Variants in TESMIN observed in about 807,000 individuals in gnomAD.
TESMIN encodes testis expressed metallothionein like protein.
Under a neutral mutation model 47.4 loss-of-function variants are expected in TESMIN, and 34 were observed. The ratio of observed to expected loss-of-function variants is 0.72; its 90% CI spans 0.55 to 0.96. The LOEUF is 0.96. TESMIN is among the 40% of genes least tolerant of loss of function. The probability of loss-of-function intolerance (pLI) is 0.00; values close to 1 mark genes in which losing one functional copy is unlikely to be tolerated. For missense variants in TESMIN, 610 were observed against 637.2 expected (o/e 0.96, Z 0.46); for synonymous variants, 278 against 258.9 (o/e 1.07, Z -0.71).
In TESMIN at chr11:68,742,303, A is replaced by C. The variant is rs1230470098; in HGVS notation, c.828+15T>G. The C allele has an allele frequency of 6.6e-7, 1 of 1,515,156 alleles. No individual in the cohort carries two copies. The highest frequency in any genetic ancestry group is 1.2e-5 in the South Asian group (1 of 83,318). 93.9% of individuals were successfully genotyped at this position (1,515,156 alleles called of 1,614,324 possible). ...AATGCAAAATTGTATTTTTTAAATT[A>C]AAACAATGACTCACTTGTTGTGTAA... On this transcript the variant is annotated intron_variant, in intron 5 of 9. Transcript: ENST00000255087.
chr11:68,730,050 C>T (rs902647837), intron 6 of TESMIN, among the ~76,000 whole-genome samples: 3 of 152,154 alleles, frequency 2.0e-5, no homozygotes, highest in Non-Finnish European at 4.4e-5. Flanking sequence ...AAGGCAAGAC[C>T]CTCCCTCCAC....
intron 6 of TESMIN, among the ~76,000 whole-genome samples, chr11:68,717,550 G>A (rs1946154686): frequency 6.6e-6 from 1 of 152,244 alleles, no homozygotes; most frequent in African/African-American, 2.4e-5. Flanking sequence ...AGGGAAAGGG[G>A]ACAGTGACAG....
Position 68,707,798 on chromosome 11 carries a change from A to G in TESMIN, c.*510T>C, listed in dbSNP as rs1483953696. Reference sequence around the variant, plus strand: ...CGCTACAGAAAATCTTTAGGTGTTCAGTAGTTCTCTAGAGATTTTAAGTGG... The same window carrying G: ...CGCTACAGAAAATCTTTAGGTGTTCGGTAGTTCTCTAGAGATTTTAAGTGG... On this transcript the variant is annotated 3_prime_UTR_variant, in exon 10 of 10. Coordinates refer to ENST00000255087, the MANE Select transcript of TESMIN (RefSeq NM_004923.3). 2.2e-6 allele frequency: 1 copy of G among 455,842 alleles called. No homozygotes were observed. Among genetic ancestry groups the G allele is most frequent in the East Asian group, 6.9e-5 (1 of 14,406 alleles). 28.2% of individuals were successfully genotyped at this position (455,842 alleles called of 1,614,324 possible). A position where few individuals can be genotyped will look rare whatever the true frequency, so the allele number is the denominator to read the frequency against.
At chr11:68,727,463 A>G (rs1946278647) in intron 6 of TESMIN, among the ~76,000 whole-genome samples, 1 of 151,210 alleles carries the variant, frequency 6.6e-6, no homozygotes, top group Non-Finnish European at 1.5e-5. Flanking sequence ...AAACAAAAAA[A>G]CAAAAAAACT....
chr11:68,716,267 G>A (rs936980709), intron 6 of TESMIN, among the ~76,000 whole-genome samples: 14 of 152,208 alleles, frequency 9.2e-5, no homozygotes, highest in South Asian at 2.1e-4. Flanking sequence ...TCCCAGGAGC[G>A]CAATAAGTTT....
intron 4 of TESMIN, 91 bp downstream of exon 4, chr11:68,744,899 TG>T: frequency 9.3e-7 from 1 of 1,080,154 alleles, no homozygotes; most frequent in South Asian, 1.8e-5. Context: ...TTTAATATCC[TG>T]GTTGCCATTT....
In TESMIN at chr11:68,750,615, C is replaced by T; in HGVS notation, c.46G>A (p.Ala16Thr). The change falls in exon 2 of 10, where the codon GCG (alanine) becomes ACG (threonine). Residue 16 changes from alanine to threonine, a missense_variant. Ala to Thr is a moderately conservative substitution (Grantham distance 58, BLOSUM62 0). Coordinates refer to ENST00000255087, the MANE Select transcript of TESMIN (RefSeq NM_004923.3). ...LPGGLPSPEDAMVTELLSPEG... is the reference protein window; with the variant it reads ...LPGGLPSPEDTMVTELLSPEG... ...GGGCTTAAGAGCTCCGTCACCATCG[C>T]ATCCTCGGGGCTGGGCAGCCCGCCC... The T allele has an allele frequency of 1.3e-6, 2 of 1,594,402 alleles. No homozygotes were observed. The highest frequency in any genetic ancestry group is 1.7e-6 in the Non-Finnish European group (2 of 1,170,078).
In TESMIN at chr11:68,708,476, C is replaced by T; in HGVS notation, c.1359G>A (p.Trp453Ter). 6.2e-7 allele frequency: 1 copy of T among 1,610,682 alleles called. No homozygotes were observed. Among genetic ancestry groups the T allele is most frequent in the Non-Finnish European group, 8.5e-7 (1 of 1,178,694 alleles). The change falls in exon 10 of 10, where the codon TGG becomes TGA. Residue 453 changes from tryptophan to a stop codon, truncating the protein, a stop_gained. Transcript: ENST00000255087. LOFTEE classifies it high-confidence loss of function. Reference sequence around the variant, plus strand: ...AGGCGCATGTGGCCTCCACCACCTCCCAGGAGATGCATGAGGAAGGCCGCC... The same window carrying T: ...AGGCGCATGTGGCCTCCACCACCTCTCAGGAGATGCATGAGGAAGGCCGCC... ...HDRRPSSCIS[W>*]EVVEATCACL...
intron 6 of TESMIN, among the ~76,000 whole-genome samples, chr11:68,721,060 CTTTT>C (rs10604040): frequency 0.61 from 92,155 of 151,538 alleles, 29,236 homozygotes; most frequent in East Asian, 0.78. Flanking sequence ...TAACATCTTT[CTTTT>C]ATTACTCATC....
At chr11:68,750,730 AGAG>A (rs1946586558) in intron 1 of TESMIN, 31 bp from the exon 2 acceptor site, 2 of 1,054,858 alleles carry the variant, frequency 1.9e-6, no homozygotes, top group Admixed American at 3.8e-5. Context: ...AGAGGCAGCC[AGAG>A]GAGAGGACGA....
In TESMIN at chr11:68,747,028, G is replaced by A. The variant is rs78237665; in HGVS notation, c.630+180C>T. 1,836 of 627,878 alleles carry A rather than the reference G, an allele frequency of 2.9e-3. 24 individuals are homozygous for A. In the African/African-American group the frequency reaches 0.03, roughly 10 times the overall value. 38.9% of individuals were successfully genotyped at this position (627,878 alleles called of 1,614,324 possible). A position where few individuals can be genotyped will look rare whatever the true frequency, so the allele number is the denominator to read the frequency against. ...ATTTGCTAAGATGGAGTAGAAATGA[G>A]AATCTTAGAGGTGAGATGTGAAAGG... On this transcript the variant is annotated intron_variant, in intron 3 of 9. Transcript: ENST00000255087.
At chr11:68,745,314 A>AG (rs957737865) in intron 3 of TESMIN, among the ~76,000 whole-genome samples, 8 of 151,870 alleles carry the variant, frequency 5.3e-5, no homozygotes, top group African/African-American at 1.9e-4. Flanking sequence ...AAAAAAAAAA[A>AG]AAAAAAGAAA....
In TESMIN at chr11:68,750,388, C is replaced by G; in HGVS notation, c.273G>C (p.Gly91=). 6.6e-7 allele frequency: 1 copy of G among 1,513,148 alleles called. No homozygotes were observed. The highest frequency in any genetic ancestry group is 2.1e-5 in the Admixed American group (1 of 47,418). 93.7% of individuals were successfully genotyped at this position (1,513,148 alleles called of 1,614,324 possible). A position where few individuals can be genotyped will look rare whatever the true frequency, so the allele number is the denominator to read the frequency against. Residue 91 remains glycine (G), a synonymous_variant, in exon 2 of 10, where the codon GGG becomes GGC. Transcript: ENST00000255087. ...TCCCGGGGTACTCCCCGAGGAGCTCCCCGCCGTCGCTGTCGCCCCCCGCGA... is the reference window on the plus strand; with the variant it reads ...TCCCGGGGTACTCCCCGAGGAGCTCGCCGCCGTCGCTGTCGCCCCCCGCGA... ...AKLAGGDSDG[G]ELLGEYPGIP...
downstream of TESMIN, among the ~76,000 whole-genome samples, chr11:68,705,378 G>C (rs1945988316): frequency 6.6e-6 from 1 of 152,338 alleles, no homozygotes; most frequent in Admixed American, 6.5e-5. Flanking sequence ...AAGGGGACCA[G>C]TGCTGGCAGA....
intron 6 of TESMIN, among the ~76,000 whole-genome samples, chr11:68,718,406 G>T (rs193291337): frequency 6.6e-6 from 1 of 152,274 alleles, no homozygotes; most frequent in Admixed American, 6.5e-5. Flanking sequence ...TATGAAAAAA[G>T]ATATTTTAGG....
intron 2 of TESMIN, among the ~76,000 whole-genome samples, chr11:68,749,108 G>A (rs571101050): frequency 2.4e-4 from 37 of 152,346 alleles, no homozygotes; most frequent in African/African-American, 8.2e-4. Context: ...CACCAATCCG[G>A]CTGGGCAGCA....
Position 68,739,528 on chromosome 11 carries a change from T to C in TESMIN, c.829-740A>G, listed in dbSNP as rs1946431915. 2.0e-5 allele frequency among the ~76,000 whole-genome samples: 3 copies of C among 152,358 alleles called. 1 individual carries two copies. The highest frequency in any genetic ancestry group is 6.8e-3 in the Middle Eastern group (2 of 294). On this transcript the variant is annotated intron_variant, in intron 5 of 9. Coordinates refer to ENST00000255087, the MANE Select transcript of TESMIN (RefSeq NM_004923.3). ...TCCTCTGTCCAAAAATGGAAATGTA[T>C]CTTTAAATAAATTTATTTTTAAAGC... is the stretch of plus-strand genomic sequence containing the variant.
At chr11:68,738,160 G>A in intron 6 of TESMIN, 1 of 986,214 alleles carries the variant, frequency 1.0e-6, no homozygotes, top group Non-Finnish European at 1.2e-6. Context: ...CACAAGACAG[G>A]CAAGAAATAG....
chr11:68,714,558 G>A (rs1946112172), intron 7 of TESMIN, among the ~76,000 whole-genome samples: 1 of 152,220 alleles, frequency 6.6e-6, no homozygotes, highest in African/African-American at 2.4e-5. Context: ...GTACTCCCGT[G>A]TCGGCTGCCT....
Sources: allele counts gnomAD v4.1 joint callset (sites outside exome capture counted in the v4.1 genomes callset), GRCh38; gene constraint gnomAD v4.1.1; transcripts MANE v1.5; gene names NCBI Gene and HGNC (gene_info 2026-07-23, HGNC 2026-07-21).